The following NCKAP5 variants were observed in gnomAD, a reference collection of about 807,000 sequenced individuals.
NCKAP5 encodes nck-associated protein 5.
Under a neutral mutation model 167.0 loss-of-function variants are expected in NCKAP5, and 92 were observed. The ratio of observed to expected loss-of-function variants is 0.55; its 90% confidence interval spans 0.47 to 0.66. The LOEUF (loss-of-function observed/expected upper bound fraction) is 0.66. Among genes scored for constraint, NCKAP5 ranks in the 30% least tolerant of loss-of-function variants. NCKAP5 has a pLI of 0.00. For synonymous variants in NCKAP5, 891 were observed against 877.4 expected, an observed-to-expected ratio of 1.02 and a Z score of -0.27; for missense variants, 2,378 against 2,315.0, an observed-to-expected ratio of 1.03 and a Z score of -0.56.
intron 16 of NCKAP5, among the ~76,000 whole-genome samples, chr2:132,748,043 T>C (rs1559004226): frequency 1.3e-5 from 2 of 152,212 alleles, no homozygotes. Context: ...CAGTGCAGAA[T>C]TAGAACAAGC....
chr2:133,590,523 CAAAAA>C, the NCKAP5 span, among the ~76,000 whole-genome samples: 68 of 89,648 alleles, frequency 7.6e-4, no homozygotes, highest in Admixed American at 8.7e-4. Flanking sequence ...GACTCTGTCT[CAAAAA>C]AAAAAAAAAA....
At chr2:133,590,016 A>G in the NCKAP5 span, among the ~76,000 whole-genome samples, 1 of 152,168 alleles carries the variant, frequency 6.6e-6, no homozygotes, top group East Asian at 1.9e-4. Flanking sequence ...TGCAGGAGAC[A>G]CACTCTAGAA....
At chr2:133,633,381 T>A in the NCKAP5 span, among the ~76,000 whole-genome samples, 1 of 152,212 alleles carries the variant, frequency 6.6e-6, no homozygotes, top group East Asian at 1.9e-4. Flanking sequence ...GGGGTGGGCA[T>A]GAGAGAGGAA....
chr2:132,856,876 G>A (rs1689512006), intron 11 of NCKAP5, among the ~76,000 whole-genome samples: 1 of 152,176 alleles, frequency 6.6e-6, no homozygotes, highest in Non-Finnish European at 1.5e-5. Context: ...ACCAATTGGA[G>A]GCGAAAGGGG....
intron 8 of NCKAP5, among the ~76,000 whole-genome samples, chr2:132,881,007 T>C (rs1299515487): frequency 6.6e-6 from 1 of 152,152 alleles, no homozygotes; most frequent in African/African-American, 2.4e-5. Flanking sequence ...GAAATATAAA[T>C]ACAGTACCAC....
chr2:132,798,664 T>C (rs1024220634), intron 11 of NCKAP5, among the ~76,000 whole-genome samples: 2 of 152,182 alleles, frequency 1.3e-5, no homozygotes, highest in African/African-American at 4.8e-5. Context: ...GCTGTTTCAG[T>C]GGCTTTTATC....
intron 6 of NCKAP5, among the ~76,000 whole-genome samples, chr2:133,039,215 A>G (rs2079135136): frequency 6.6e-6 from 1 of 152,180 alleles, no homozygotes; most frequent in African/African-American, 2.4e-5. Context: ...TGGGTGTTAG[A>G]TCACCTTGAC....
chr2:132,723,958 T>C (rs143700356), intron 19 of NCKAP5, among the ~76,000 whole-genome samples: 124 of 152,266 alleles, frequency 8.1e-4, no homozygotes, highest in African/African-American at 2.8e-3. Context: ...GCATACAGGG[T>C]TCTAGGGTTC....
Position 133,519,858 on chromosome 2 carries a change from A to G in NCKAP5, c.-61-2271T>C, listed in dbSNP as rs546833048. ...CAAACAGCTCTAAACTGTGGTAGGT[A>G]CAGTATGAAGGAAATAACCTCCAGC... On this transcript the variant is annotated intron_variant, in intron 2 of 19. Coordinates refer to ENST00000409261, the MANE Select transcript of NCKAP5 (RefSeq NM_207363.3). 1.2e-4 allele frequency among the ~76,000 whole-genome samples: 18 copies of G among 152,306 alleles called. 1 individual carries two copies. The South Asian group carries it at 2.3e-3, about 19-fold the overall frequency.
chr2:132,938,074 A>G (rs531720356), intron 8 of NCKAP5, among the ~76,000 whole-genome samples: 1 of 152,206 alleles, frequency 6.6e-6, no homozygotes, highest in African/African-American at 2.4e-5. Context: ...AATAAATCAC[A>G]AACTAAACAT....
At chr2:133,486,804 T>C (rs1680947261) in intron 3 of NCKAP5, among the ~76,000 whole-genome samples, 1 of 152,144 alleles carries the variant, frequency 6.6e-6, no homozygotes, top group Admixed American at 6.5e-5. Context: ...ATAAAAACAA[T>C]TAGTAAGCTA....
At chr2:133,479,125 T>C (rs990315536) in intron 3 of NCKAP5, among the ~76,000 whole-genome samples, 21 of 152,228 alleles carry the variant, frequency 1.4e-4, no homozygotes, top group Admixed American at 2.6e-4. Context: ...TCTGAGTTTG[T>C]ATGAACAATC....
chr2:133,269,214 T>C (rs983642765), intron 4 of NCKAP5, among the ~76,000 whole-genome samples: 1 of 152,222 alleles, frequency 6.6e-6, no homozygotes, highest in Non-Finnish European at 1.5e-5. Flanking sequence ...GTGTCAGTGT[T>C]GGAATATATG....
At chr2:133,174,065 C>T (rs551785892) in intron 5 of NCKAP5, among the ~76,000 whole-genome samples, 6 of 152,230 alleles carry the variant, frequency 3.9e-5, no homozygotes, top group African/African-American at 1.2e-4. Flanking sequence ...CAATTTTTCT[C>T]CTAATATTCT....
chr2:133,532,873 C>T (rs1269436065), intron 2 of NCKAP5, among the ~76,000 whole-genome samples: 1 of 152,036 alleles, frequency 6.6e-6, no homozygotes, highest in Non-Finnish European at 1.5e-5. Flanking sequence ...TTTCATTGTC[C>T]CAAGAACCAA....
the NCKAP5 span, among the ~76,000 whole-genome samples, chr2:133,620,025 G>T: frequency 6.6e-6 from 1 of 152,064 alleles, no homozygotes; most frequent in Non-Finnish European, 1.5e-5. Context: ...AAGGAAAGAT[G>T]CAGTCTTTTC....
At chr2:133,134,689 C>T (rs1481677284) in intron 5 of NCKAP5, among the ~76,000 whole-genome samples, 1 of 152,194 alleles carries the variant, frequency 6.6e-6, no homozygotes, top group East Asian at 1.9e-4. Flanking sequence ...ACCTCATAGC[C>T]TACACATAGC....
intron 5 of NCKAP5, among the ~76,000 whole-genome samples, chr2:133,132,286 CAAA>C (rs67605472): frequency 7.6e-6 from 1 of 131,232 alleles, no homozygotes; most frequent in Non-Finnish European, 1.6e-5. Context: ...GACTCCATCT[CAAA>C]AAAAAAAAAA....
At chr2:133,408,283 A>G (rs1417269462) in intron 3 of NCKAP5, among the ~76,000 whole-genome samples, 1 of 152,146 alleles carries the variant, frequency 6.6e-6, no homozygotes, top group Non-Finnish European at 1.5e-5. Flanking sequence ...AGTGGACCTA[A>G]TACTACTGCT....
Sources: gnomAD v4.1 joint callset for allele counts (sites outside exome capture counted in the v4.1 genomes callset) on GRCh38, gnomAD v4.1.1 for gene constraint, MANE v1.5 for transcripts, NCBI Gene and HGNC (gene_info 2026-07-23, HGNC 2026-07-21) for gene names.